ALS2CL: variants seen among roughly 807,000 people sequenced by gnomAD.
The protein encoded by ALS2CL is ALS2 C-terminal-like protein.
In ALS2CL, 112 loss-of-function variants were observed where a neutral mutation model predicts 127.9. The observed-to-expected ratio is 0.88, with a 90% CI of 0.75 to 1.02. ALS2CL has a LOEUF of 1.02. ALS2CL is among the 50% of genes least tolerant of loss of function. The probability of loss-of-function intolerance (pLI) is 0.00; values close to 1 mark genes in which losing one functional copy is unlikely to be tolerated. For synonymous variants in ALS2CL, 519 were observed against 527.6 expected (o/e 0.98, Z 0.22); for missense variants, 1,174 against 1,236.7 (o/e 0.95, Z 0.76).
intron 19 of ALS2CL, chr3:46,676,043 A>G: frequency 7.2e-7 from 1 of 1,388,590 alleles, no homozygotes; most frequent in Non-Finnish European, 9.4e-7. Context: ...CTTGGACTCT[A>G]GCTGAGGGCT....
In ALS2CL at chr3:46,670,043, A is replaced by C. The variant is rs1698273419; in HGVS notation, c.*941T>G. Reference sequence around the variant, plus strand: ...GCTTTGCCCTGGACACTTTCAGAACACATCACACTGCCTGTCATCATGCAT... The same window carrying C: ...GCTTTGCCCTGGACACTTTCAGAACCCATCACACTGCCTGTCATCATGCAT... On this transcript the variant is annotated 3_prime_UTR_variant, in exon 26 of 26. Coordinates refer to ENST00000318962, the MANE Select transcript of ALS2CL (RefSeq NM_147129.5). This position sits in a 1 kb window ranked among gnomAD's most constrained non-coding sequence, Gnocchi z 5.5. 1 of 152,248 alleles carries C rather than the reference A, an allele frequency of 6.6e-6. No homozygotes were observed. The highest frequency in any genetic ancestry group is 1.5e-5 in the Non-Finnish European group (1 of 68,094). The allele number at this position is 152,248 out of a possible 1,614,324, so 9.4% of individuals were successfully genotyped here.
At chr3:46,685,938 C>T (rs1379439247) in intron 6 of ALS2CL, among the ~76,000 whole-genome samples, 1 of 152,220 alleles carries the variant, frequency 6.6e-6, no homozygotes, top group Non-Finnish European at 1.5e-5. Flanking sequence ...CGTTCCTCTA[C>T]CTAGTCTCCT....
intron 21 of ALS2CL, among the ~76,000 whole-genome samples, chr3:46,674,210 ACCCAAGC>A (rs1394745065): frequency 2.0e-5 from 3 of 152,000 alleles, no homozygotes; most frequent in Non-Finnish European, 4.4e-5. Flanking sequence ...TGGGCTCAAG[ACCCAAGC>A]CCCAAGCCGA....
intron 4 of ALS2CL, 83 bp downstream of exon 4, chr3:46,687,536 T>G: frequency 6.7e-7 from 1 of 1,486,706 alleles, no homozygotes; most frequent in Non-Finnish European, 9.2e-7. Context: ...CACCTGCTGC[T>G]CTGGGGAGGG....
intron 20 of ALS2CL, 64 bp downstream of exon 20, chr3:46,675,554 C>T (rs1698743823): frequency 3.3e-6 from 5 of 1,513,524 alleles, no homozygotes; most frequent in Non-Finnish European, 4.6e-6. Flanking sequence ...AAGGGAGGTC[C>T]TAGGAGCAGA....
At chr3:46,671,209 G>A (rs373709504) in intron 25 of ALS2CL, 145 bp from the exon 26 acceptor site, 150 of 1,016,234 alleles carry the variant, frequency 1.5e-4, no homozygotes, top group East Asian at 3.3e-4. Flanking sequence ...CACAGTCTGC[G>A]AGGAAAATGG....
At chr3:46,675,739 A>T in intron 19 of ALS2CL, 53 bp from the exon 20 acceptor site, 1 of 1,610,292 alleles carries the variant, frequency 6.2e-7, no homozygotes, top group Non-Finnish European at 8.5e-7. Flanking sequence ...ACAGAACTGG[A>T]GTTCTACCAC....
chr3:46,685,654 C>A lies in ALS2CL; in HGVS notation c.667-10G>T. On this transcript the variant is annotated splice_polypyrimidine_tract_variant and intron_variant, in intron 6 of 25. Transcript: ENST00000318962. ...GGGTGCAGAGCACATCCTGGTGGGGCAAAGAGGACAGTACAAGGCTTAGGC... is the reference window on the plus strand; with the variant it reads ...GGGTGCAGAGCACATCCTGGTGGGGAAAAGAGGACAGTACAAGGCTTAGGC... The A allele has an allele frequency of 6.2e-7, 1 of 1,612,632 alleles. No homozygotes were observed. The highest frequency in any genetic ancestry group is 8.5e-7 in the Non-Finnish European group (1 of 1,179,430).
intron 19 of ALS2CL, 62 bp downstream of exon 19, chr3:46,676,183 T>C (rs1698796224): frequency 1.9e-6 from 3 of 1,574,748 alleles, no homozygotes; most frequent in African/African-American, 1.4e-5. Context: ...GCAGAACTGA[T>C]GCCTGGAAAG....
rs1482367170 is a variant in ALS2CL, at chr3:46,686,018, T to C, written c.666+290A>G. ...CTCCCTGCAGGGGCAGTCCATGCCA[T>C]GGTGGGCAGTGACGCAAGGGTGTGA... is the stretch of plus-strand genomic sequence containing the variant. On this transcript the variant is annotated intron_variant, in intron 6 of 25. Coordinates refer to ENST00000318962, the MANE Select transcript of ALS2CL (RefSeq NM_147129.5). The surrounding 1 kb of genome is among the most constrained non-coding windows in gnomAD (Gnocchi z 4.3). Among the ~76,000 whole-genome samples the C allele has an allele frequency of 6.6e-6, 1 of 152,158 alleles. No homozygotes were observed. The highest frequency in any genetic ancestry group is 1.5e-5 in the Non-Finnish European group (1 of 68,020).
Position 46,680,418 on chromosome 3 carries a change from C to T in ALS2CL, c.1548+12G>A, listed in dbSNP as rs778009059. ...GCAAAGAGAGGGATAGCCCAGGATA[C>T]ACTCCACTCACCACCGTCTTGTCCG... On this transcript the variant is annotated intron_variant, in intron 14 of 25. Transcript: ENST00000318962. 1 of 1,610,912 alleles carries T rather than the reference C, an allele frequency of 6.2e-7. No homozygotes were observed.
At chr3:46,682,220 TC>T in intron 10 of ALS2CL, 126 bp from the exon 11 acceptor site, 1 of 1,000,314 alleles carries the variant, frequency 1.0e-6, no homozygotes, top group Non-Finnish European at 1.5e-6. Context: ...CACCCAGCCC[TC>T]TTGTCTGAGC....
rs535203151 is a variant in ALS2CL, at chr3:46,675,572, G to A, written c.2255+46C>T. The A allele has an allele frequency of 1.9e-6, 3 of 1,587,496 alleles. No individual in the cohort carries two copies. In the African/African-American group the frequency reaches 4.0e-5, roughly 21 times the overall value. Reference sequence around the variant, plus strand: ...GGAGGTCCTAGGAGCAGACGCATGAGGCCTCCCTGGACACGGCAGGCCCCA... The same window carrying A: ...GGAGGTCCTAGGAGCAGACGCATGAAGCCTCCCTGGACACGGCAGGCCCCA... On this transcript the variant is annotated intron_variant, in intron 20 of 25. Coordinates refer to ENST00000318962, the MANE Select transcript of ALS2CL (RefSeq NM_147129.5).
In ALS2CL at chr3:46,674,697, G is replaced by A. The variant is rs752746236; in HGVS notation, c.2298C>T (p.Pro766=). 3 of 1,613,992 alleles carry A rather than the reference G, an allele frequency of 1.9e-6. No individual in the cohort carries two copies. The highest frequency in any genetic ancestry group is 1.1e-5 in the South Asian group (1 of 91,058). The change falls in exon 21 of 26, where the codon CCC becomes CCT. Residue 766 remains proline (P), a synonymous_variant. Transcript: ENST00000318962. ...VHGLVLPLML[P]SFYSELFTLY... is the part of the protein sequence containing the mutation. ...GCGTGAAGAGCTCTGAGTAGAAGCT[G>A]GGCAGCATGAGGGGCAGCACCAATC...
intron 14 of ALS2CL, 29 bp downstream of exon 14, chr3:46,680,401 A>G: frequency 6.3e-7 from 1 of 1,598,758 alleles, no homozygotes. Flanking sequence ...GTGCAAAGAG[A>G]GGGATAGCCC....
At position 46,683,270 on chromosome 3, in the gene ALS2CL, C is replaced by T; in HGVS notation, c.969G>A (p.Lys323=). 1 of 1,608,462 alleles carries T rather than the reference C, an allele frequency of 6.2e-7. No individual in the cohort carries two copies. The highest frequency in any genetic ancestry group is 8.5e-7 in the Non-Finnish European group (1 of 1,177,540). ...WAVHQALHGK[K]DFPVLGAGLE... ...GGCCAGCCCCCAGCACGGGGAAGTC[C>T]TTCTTCCCATGCAGGGCCTGGTGAA... is the stretch of plus-strand genomic sequence containing the variant. The change falls in exon 10 of 26, where the codon AAG becomes AAA. Residue 323 remains lysine, a synonymous_variant. Transcript: ENST00000318962.
Position 46,688,279 on chromosome 3 carries a change from G to A in ALS2CL, c.121C>T (p.Pro41Ser), listed in dbSNP as rs1699936257. The A allele has an allele frequency of 3.1e-6, 5 of 1,612,704 alleles. No individual in the cohort carries two copies. Among genetic ancestry groups the A allele is most frequent in the Non-Finnish European group, 4.2e-6 (5 of 1,179,908 alleles). The change falls in exon 3 of 26, where the codon CCC becomes TCC. Residue 41 changes from proline (P) to serine (S), a missense_variant. Transcript: ENST00000318962. ...LLPAAPDPSDPWGRECLRLLQ... is the reference protein window; with the variant it reads ...LLPAAPDPSDSWGRECLRLLQ... ...AGCCGCAGGCACTCTCTGCCCCAGG[G>A]ATCCGAGGGATCTGGGGCTGGGGAA...
chr3:46,679,403 G>T, intron 14 of ALS2CL, 116 bp from the exon 15 acceptor site: 2 of 900,406 alleles, frequency 2.2e-6, no homozygotes, highest in Non-Finnish European at 3.4e-6. Context: ...GGCGAGAGGG[G>T]CCCTGAGCCT....
intron 2 of ALS2CL, among the ~76,000 whole-genome samples, chr3:46,688,609 G>A (rs934752101): frequency 6.6e-6 from 1 of 152,154 alleles, no homozygotes; most frequent in African/African-American, 2.4e-5. Context: ...CCTGGCTCTG[G>A]GCCTCCTCAT....
Sources: gnomAD v4.1 joint callset for allele counts (sites outside exome capture counted in the v4.1 genomes callset) on GRCh38, gnomAD v4.1.1 for gene constraint, Gnocchi (gnomAD v3.1) non-coding constraint, MANE v1.5 for transcripts, NCBI Gene and HGNC (gene_info 2026-07-23, HGNC 2026-07-21) for gene names.